ZFPM1: variants seen among roughly 807,000 people sequenced by gnomAD.
The protein encoded by ZFPM1 is zinc finger protein ZFPM1.
ZFPM1 carries 28 observed loss-of-function variants against 46.3 expected under a neutral mutation model. That is an observed-to-expected ratio of 0.60 (90% CI 0.45 to 0.83). ZFPM1 has a LOEUF of 0.83. Ranked by LOEUF, ZFPM1 falls within the 40% of genes least tolerant of loss-of-function variation. The pLI is 0.00. For synonymous variants in ZFPM1, 957 were observed against 675.9 expected (o/e 1.42, Z -6.45); for missense variants, 1,878 against 1,432.4 (o/e 1.31, Z -5.02).
chr16:88,461,097 G>GT (rs1907836467), intron 1 of ZFPM1, among the ~76,000 whole-genome samples: 10 of 114,106 alleles, frequency 8.8e-5, no homozygotes, highest in African/African-American at 4.1e-4. Flanking sequence ...AGGACCAAGG[G>GT]GCAGGAGGCC....
intron 3 of ZFPM1, among the ~76,000 whole-genome samples, chr16:88,489,776 G>A (rs1377813190): frequency 6.6e-6 from 1 of 152,226 alleles, no homozygotes; most frequent in African/African-American, 2.4e-5. Context: ...GCCCCTTCGG[G>A]GACTGTGAAT....
rs1467155646 is a variant in ZFPM1 at position 88,534,760 on chromosome 16, G to C, written c.2802G>C (p.Pro934=). 2.1e-5 allele frequency: 23 copies of C among 1,080,706 alleles called. No homozygotes were observed. The highest frequency in any genetic ancestry group is 2.6e-5 in the Non-Finnish European group (23 of 892,546). The allele number at this position is 1,080,706 out of a possible 1,614,324, so 66.9% of individuals were successfully genotyped here. ...AGGAGCCGCCGCCCGGCCCGCCCCC[G>C]TCCCCGGCCGCCGCGCCCGAGGCCG... ...EPQEPPPGPP[P]SPAAAPEAVP... The change falls in exon 10 of 10, where the codon CCG becomes CCC. Residue 934 remains proline (P), a synonymous_variant. Transcript: ENST00000319555.
Position 88,532,238 on chromosome 16 carries a change from G to A in ZFPM1, c.946+3G>A, listed in dbSNP as rs763208269. The A allele has an allele frequency of 6.3e-7, 1 of 1,594,806 alleles. No individual in the cohort carries two copies. The highest frequency in any genetic ancestry group is 1.7e-5 in the Admixed American group (1 of 58,632). The stretch of plus-strand genomic sequence containing the variant: ...GATCCACATGCGCAGCCACAGCGGT[G>A]AGCCCCCACCCCGGACGCGGGTCCT... On this transcript the variant is annotated splice_donor_region_variant and intron_variant, in intron 7 of 9. Coordinates refer to ENST00000319555, the MANE Select transcript of ZFPM1 (RefSeq NM_153813.3).
At chr16:88,455,132 GGTGTGTGTGTGTGTGT>G (rs4047261) in intron 1 of ZFPM1, among the ~76,000 whole-genome samples, 4 of 141,674 alleles carry the variant, frequency 2.8e-5, no homozygotes, top group African/African-American at 1.1e-4. Context: ...TCGGTTCTGG[GGTGTGTGTGTGTGTGT>G]GTGTGTGTGT....
chr16:88,456,661 C>G (rs778736897), intron 1 of ZFPM1, among the ~76,000 whole-genome samples: 7 of 152,152 alleles, frequency 4.6e-5, no homozygotes, highest in Non-Finnish European at 7.4e-5. Flanking sequence ...CCACTGCTGT[C>G]GGGGGAGCAA....
At chr16:88,488,291 G>T (rs1277490012) in intron 2 of ZFPM1, among the ~76,000 whole-genome samples, 1 of 152,160 alleles carries the variant, frequency 6.6e-6, no homozygotes, top group African/African-American at 2.4e-5. Context: ...GGGCCGCATG[G>T]GGGCGGGGGT....
chr16:88,499,010 G>A (rs575284701), intron 3 of ZFPM1, among the ~76,000 whole-genome samples: 30 of 152,320 alleles, frequency 2.0e-4, no homozygotes, highest in Admixed American at 7.2e-4. Flanking sequence ...CCCTGTGGGC[G>A]GAGCCCCTGG....
intron 6 of ZFPM1, among the ~76,000 whole-genome samples, chr16:88,529,200 G>T (rs923644764): frequency 6.6e-6 from 1 of 152,254 alleles, no homozygotes. Flanking sequence ...TCGTGGACAG[G>T]CACGAGTCAC....
At position 88,533,284 on chromosome 16, in the gene ZFPM1, A is replaced by T; in HGVS notation, c.1326A>T (p.Arg442Ser). 1 of 1,286,714 alleles carries T rather than the reference A, an allele frequency of 7.8e-7. No homozygotes were observed. The highest frequency in any genetic ancestry group is 9.9e-7 in the Non-Finnish European group (1 of 1,011,670). 79.7% of individuals were successfully genotyped at this position (1,286,714 alleles called of 1,614,324 possible). A position where few individuals can be genotyped will look rare whatever the true frequency, so the allele number is the denominator to read the frequency against. ...ALAEATNGEA[R>S]AEPLAQNGGS... is the part of the protein sequence containing the mutation. ...CCGAGGCCACCAACGGAGAGGCCAG[A>T]GCGGAGCCTCTGGCCCAGAATGGAG... The change falls in exon 10 of 10, where the codon AGA becomes AGT. Residue 442 changes from arginine to serine, a missense_variant. Physicochemically the swap from Arg to Ser is moderately radical, Grantham distance 110. Transcript: ENST00000319555.
At chr16:88,477,569 C>A (rs774659282) in intron 1 of ZFPM1, among the ~76,000 whole-genome samples, 4 of 152,186 alleles carry the variant, frequency 2.6e-5, no homozygotes, top group East Asian at 3.9e-4. Context: ...GTGGCATGAA[C>A]CTGTGGTCCC....
chr16:88,534,912 G>A lies in ZFPM1; in HGVS notation c.2954G>A (p.Ser985Asn). 1 of 1,558,684 alleles carries A rather than the reference G, an allele frequency of 6.4e-7. No homozygotes were observed. Among genetic ancestry groups the A allele is most frequent in the Non-Finnish European group, 8.7e-7 (1 of 1,155,562 alleles). The change falls in exon 10 of 10, where the codon AGC (serine) becomes AAC (asparagine). Residue 985 changes from serine to asparagine, a missense_variant. Transcript: ENST00000319555. ...YCRLCNIKFSSLSTFIAHKKY... is the reference protein window; with the variant it reads ...YCRLCNIKFSNLSTFIAHKKY... ...CGTCTTTGCAACATCAAGTTCAGCAGCCTGTCCACCTTCATCGCCCACAAG... is the reference window on the plus strand; with the variant it reads ...CGTCTTTGCAACATCAAGTTCAGCAACCTGTCCACCTTCATCGCCCACAAG...
At chr16:88,511,780 G>C (rs780029975) in intron 3 of ZFPM1, among the ~76,000 whole-genome samples, 2 of 152,192 alleles carry the variant, frequency 1.3e-5, no homozygotes, top group Non-Finnish European at 2.9e-5. Context: ...CACCTGGGGT[G>C]AGCTGGGGCT....
intron 6 of ZFPM1, among the ~76,000 whole-genome samples, chr16:88,528,739 TTTG>T (rs1912545805): frequency 2.2e-5 from 1 of 46,238 alleles, no homozygotes. Context: ...TGGTTGGGTT[TTTG>T]TTGTTTTTTT....
intron 1 of ZFPM1, among the ~76,000 whole-genome samples, chr16:88,475,630 C>T (rs971598528): frequency 5.3e-5 from 8 of 152,196 alleles, no homozygotes; most frequent in Admixed American, 5.2e-4. Context: ...ACGCCGGGTA[C>T]AGGGCAGGGC....
intron 3 of ZFPM1, among the ~76,000 whole-genome samples, chr16:88,512,159 G>A (rs1025390542): frequency 3.3e-5 from 5 of 152,232 alleles, no homozygotes; most frequent in African/African-American, 4.8e-5. Context: ...CTGGAGCTCC[G>A]ATTAGGGAGC....
Position 88,499,580 on chromosome 16 carries a change from G to A in ZFPM1, c.268+10427G>A, listed in dbSNP as rs117759340. 9.4e-3 allele frequency among the ~76,000 whole-genome samples: 1,440 copies of A among 152,384 alleles called. 8 individuals carry two copies. Among genetic ancestry groups the A allele is most frequent in the Middle Eastern group, 0.017 (5 of 294 alleles). ...GCCTAGCAGGCTGGACACGGAGCAG[G>A]TCTGCGTGCAGTGTGGGGGACCCCA... On this transcript the variant is annotated intron_variant, in intron 3 of 9. Transcript: ENST00000319555.
intron 3 of ZFPM1, among the ~76,000 whole-genome samples, chr16:88,505,841 G>C (rs1391460957): frequency 2.0e-5 from 3 of 152,136 alleles, no homozygotes; most frequent in Non-Finnish European, 4.4e-5. Flanking sequence ...CTAGCAGAGA[G>C]AGAGCCTCGG....
intron 2 of ZFPM1, 38 bp downstream of exon 2, chr16:88,486,081 G>A (rs368718254): frequency 2.4e-5 from 38 of 1,577,408 alleles, no homozygotes; most frequent in South Asian, 2.0e-4. Context: ...GCCTCCAGCC[G>A]GGGCCTCCAT....
intron 5 of ZFPM1, 57 bp from the exon 6 acceptor site, chr16:88,527,975 G>C: frequency 6.8e-7 from 1 of 1,464,094 alleles, no homozygotes; most frequent in Non-Finnish European, 9.2e-7. Context: ...CCTTGTTTAA[G>C]ACGGGACAGG....
Sources: allele counts gnomAD v4.1 joint callset (sites outside exome capture counted in the v4.1 genomes callset), GRCh38; gene constraint gnomAD v4.1.1; transcripts MANE v1.5; gene names NCBI Gene and HGNC (gene_info 2026-07-23, HGNC 2026-07-21).